COL14A1: variants seen among roughly 807,000 people sequenced by gnomAD.
COL14A1 encodes the protein collagen alpha-1(XIV) chain.
Under a neutral mutation model 230.3 loss-of-function variants are expected in COL14A1, and 136 were observed. The observed-to-expected ratio is 0.59, with a 90% confidence interval of 0.51 to 0.68. The LOEUF is 0.68. COL14A1 is among the 30% of genes least tolerant of loss of function. COL14A1 has a pLI of 0.00. For missense variants in COL14A1, 1,976 were observed against 2,215.8 expected (o/e 0.89, Z 2.17); for synonymous variants, 792 against 784.1 (o/e 1.01, Z -0.17).
intron 44 of COL14A1, among the ~76,000 whole-genome samples, chr8:120,343,122 A>C (rs1188907503): frequency 6.6e-6 from 1 of 152,170 alleles, no homozygotes; most frequent in Non-Finnish European, 1.5e-5. Flanking sequence ...ATTTGCTTAG[A>C]TCCCACCACT....
intron 20 of COL14A1, among the ~76,000 whole-genome samples, chr8:120,245,373 G>A (rs1818731083): frequency 6.6e-6 from 1 of 152,278 alleles, no homozygotes; most frequent in African/African-American, 2.4e-5. Context: ...AGCTCCTATA[G>A]TGCTGGGTGG....
chr8:120,128,242 T>A (rs1180909975), intron 1 of COL14A1, among the ~76,000 whole-genome samples: 1 of 149,788 alleles, frequency 6.7e-6, no homozygotes, highest in African/African-American at 2.5e-5. Flanking sequence ...TGTGTGTGTG[T>A]GTGTGTGTGT....
intron 37 of COL14A1, 148 bp downstream of exon 37, chr8:120,310,210 C>T (rs899694395): frequency 1.5e-6 from 1 of 686,358 alleles, no homozygotes; most frequent in African/African-American, 1.8e-5. Flanking sequence ...ACCCTTCTTC[C>T]TTATTTTAAA....
At chr8:120,311,083 G>C (rs2219242) in intron 37 of COL14A1, among the ~76,000 whole-genome samples, 79,403 of 152,104 alleles carry the variant, frequency 0.52, 22,482 homozygotes, top group African/African-American at 0.76. Flanking sequence ...GGATAAAAAA[G>C]AAGTAAATGA....
intron 8 of COL14A1, among the ~76,000 whole-genome samples, chr8:120,202,848 C>A (rs552811639): frequency 4.6e-5 from 7 of 151,880 alleles, no homozygotes; most frequent in African/African-American, 1.7e-4. Flanking sequence ...TCAGTAGATA[C>A]TGTGGAAGGA....
chr8:120,347,511 G>A (rs1241700358), intron 45 of COL14A1, among the ~76,000 whole-genome samples: 11 of 152,088 alleles, frequency 7.2e-5, no homozygotes, highest in African/African-American at 2.4e-4. Context: ...CCTCATTCCC[G>A]GCAAAGTTAT....
At chr8:120,126,032 G>A (rs1429509157) in intron 1 of COL14A1, among the ~76,000 whole-genome samples, 1 of 152,192 alleles carries the variant, frequency 6.6e-6, no homozygotes, top group Non-Finnish European at 1.5e-5. Flanking sequence ...GGAGGTTGCG[G>A]TTTTGAGAGA....
At position 120,263,072 on chromosome 8, in the gene COL14A1, C is replaced by A. The variant is rs1051754901; in HGVS notation, c.3016+58C>A. 5.4e-6 allele frequency: 8 copies of A among 1,480,998 alleles called. No individual in the cohort carries two copies. In the African/African-American group the frequency reaches 1.1e-4, roughly 21 times the overall value. The allele number at this position is 1,480,998 out of a possible 1,614,324, so 91.7% of individuals were successfully genotyped here. A position where few individuals can be genotyped will look rare whatever the true frequency, so the allele number is the denominator to read the frequency against. Reference sequence around the variant, plus strand: ...CCCCATGAACAAACAGAATTTCAGGCATCCTGTTTCCTTATCCCATTTAGA... The same window carrying A: ...CCCCATGAACAAACAGAATTTCAGGAATCCTGTTTCCTTATCCCATTTAGA... On this transcript the variant is annotated intron_variant, in intron 24 of 47. Transcript: ENST00000297848.
intron 30 of COL14A1, 64 bp downstream of exon 30, chr8:120,280,813 G>T: frequency 3.2e-6 from 5 of 1,546,760 alleles, no homozygotes; most frequent in Non-Finnish European, 4.4e-6. Context: ...TGGGGATGGG[G>T]TTTCTGTTTT....
At chr8:120,197,625 C>T (rs567391001) in intron 6 of COL14A1, among the ~76,000 whole-genome samples, 186 bp from the exon 7 acceptor site, 9 of 152,068 alleles carry the variant, frequency 5.9e-5, no homozygotes, top group East Asian at 3.9e-4. Flanking sequence ...CCTCAACCCC[C>T]GTATATGTCT....
At chr8:120,347,345 A>G (rs1339887099) in intron 45 of COL14A1, among the ~76,000 whole-genome samples, 1 of 152,196 alleles carries the variant, frequency 6.6e-6, no homozygotes, top group East Asian at 1.9e-4. Flanking sequence ...GCAGAATCCT[A>G]TATTTCACAA....
chr8:120,208,317 A>G lies in COL14A1; in HGVS notation c.1277A>G (p.Tyr426Cys), dbSNP rs969772259. 18 of 1,613,622 alleles carry G rather than the reference A, an allele frequency of 1.1e-5. No homozygotes were observed. The African/African-American group carries it at 2.1e-4, about 19-fold the overall frequency. ...TATCAGATAGCAGTCTTTGCAATCTATGCCCACACTGCTAGTGAAGGCCTA... is the reference window on the plus strand; with the variant it reads ...TATCAGATAGCAGTCTTTGCAATCTGTGCCCACACTGCTAGTGAAGGCCTA... Reference protein sequence around the residue: ...TEYQIAVFAIYAHTASEGLRG... With the variant: ...TEYQIAVFAICAHTASEGLRG... Residue 426 changes from tyrosine to cysteine, a missense_variant, in exon 11 of 48, where the codon TAT (tyrosine) becomes TGT (cysteine). Around this residue, in one of 3 missense-constraint regions of COL14A1, gnomAD observed 1,791 missense variants for 2,019.5 expected, o/e 0.89. Transcript: ENST00000297848.
Position 120,243,921 on chromosome 8 carries a change from C to T in COL14A1, c.2392C>T (p.Leu798=), listed in dbSNP as rs751575061. Residue 798 remains leucine, a synonymous_variant, in exon 20 of 48, where the codon CTG becomes TTG. Coordinates refer to ENST00000297848, the MANE Select transcript of COL14A1 (RefSeq NM_021110.4). ...CCAGAACAACCTCCTTCTGAAGCCT[C>T]TGCTTCCTGATACTGAATACAAAGT... is the stretch of plus-strand genomic sequence containing the variant. ...GSQNNLLLKP[L]LPDTEYKVTV... is the part of the protein sequence containing the mutation. 3.7e-6 allele frequency: 6 copies of T among 1,613,778 alleles called. No individual in the cohort carries two copies. The South Asian group carries it at 6.6e-5, about 18-fold the overall frequency.
At chr8:120,303,471 C>A (rs577816982) in intron 36 of COL14A1, among the ~76,000 whole-genome samples, 1 of 152,018 alleles carries the variant, frequency 6.6e-6, no homozygotes, top group Non-Finnish European at 1.5e-5. Flanking sequence ...TTATCAAAAG[C>A]CTTCTTTGCA....
chr8:120,135,264 A>G (rs1412745064), intron 1 of COL14A1, among the ~76,000 whole-genome samples: 1 of 151,748 alleles, frequency 6.6e-6, no homozygotes, highest in East Asian at 1.9e-4. Context: ...ATGCATTAAT[A>G]CTTTTTTTTT....
intron 7 of COL14A1, among the ~76,000 whole-genome samples, chr8:120,198,224 G>C (rs997445616): frequency 6.6e-6 from 1 of 152,054 alleles, no homozygotes; most frequent in African/African-American, 2.4e-5. Flanking sequence ...TAATCTCTTC[G>C]CTACTTTTCT....
rs1291286139 is a variant in COL14A1 at position 120,226,723 on chromosome 8, A to C, written c.1961A>C (p.His654Pro). 2 of 1,613,758 alleles carry C rather than the reference A, an allele frequency of 1.2e-6. No individual in the cohort carries two copies. The highest frequency in any genetic ancestry group is 8.5e-7 in the Non-Finnish European group (1 of 1,179,870). The stretch of plus-strand genomic sequence containing the variant: ...CCCCTCTCAGCTGATGAAGGGCTAC[A>C]CAAATTGATGTGGATTCCAGTCTAT... ...WHPLSADEGL[H>P]KLMWIPVYGG... The change falls in exon 16 of 48, where the codon CAC becomes CCC. Residue 654 changes from histidine (H) to proline (P), a missense_variant. By Grantham distance (77) the His-to-Pro change is moderately conservative. Coordinates refer to ENST00000297848, the MANE Select transcript of COL14A1 (RefSeq NM_021110.4).
At position 120,360,485 on chromosome 8, in the gene COL14A1, A is replaced by G. The variant is rs568007982; in HGVS notation, c.5078-6686A>G. ...CCAAACCATTTCTGGCCCCCCAGGCATGCTCTGTTGTCTCTCACCTGCAAG... is the reference window on the plus strand; with the variant it reads ...CCAAACCATTTCTGGCCCCCCAGGCGTGCTCTGTTGTCTCTCACCTGCAAG... On this transcript the variant is annotated intron_variant, in intron 45 of 47. Transcript: ENST00000297848. Among the ~76,000 whole-genome samples the G allele has an allele frequency of 7.9e-5, 12 of 152,298 alleles. No homozygotes were observed. In the South Asian group the frequency reaches 2.3e-3, roughly 29 times the overall value.
At chr8:120,252,336 C>T (rs1451131785) in intron 22 of COL14A1, among the ~76,000 whole-genome samples, 4 of 152,212 alleles carry the variant, frequency 2.6e-5, no homozygotes, top group Admixed American at 6.5e-5. Flanking sequence ...TATCCCTCAC[C>T]CCGCTTCCAA....
Sources: allele counts gnomAD v4.1 joint callset (sites outside exome capture counted in the v4.1 genomes callset), GRCh38; gene constraint gnomAD v4.1.1; regional missense constraint gnomAD v4.1.1; transcripts MANE v1.5; gene names NCBI Gene and HGNC (gene_info 2026-07-23, HGNC 2026-07-21).